Variants in SRGAP3 observed in about 807,000 individuals in gnomAD.
SRGAP3 encodes SLIT-ROBO Rho GTPase-activating protein 3.
In SRGAP3, 39 loss-of-function variants were observed where a neutral mutation model predicts 121.1. The observed-to-expected ratio is 0.32, with a 90% confidence interval of 0.25 to 0.42. SRGAP3 has a LOEUF of 0.42. Among genes scored for constraint, SRGAP3 ranks in the 10% least tolerant of loss-of-function variants. The probability of loss-of-function intolerance (pLI) is 1.00; values close to 1 mark genes in which losing one functional copy is unlikely to be tolerated. For missense variants in SRGAP3, 1,213 were observed against 1,470.6 expected (o/e 0.82, Z 2.86); for synonymous variants, 601 against 570.0 (o/e 1.05, Z -0.77).
intron 10 of SRGAP3, among the ~76,000 whole-genome samples, chr3:9,046,870 G>A (rs1050536954): frequency 3.0e-4 from 45 of 150,236 alleles, no homozygotes; most frequent in Admixed American, 9.3e-4. Context: ...TCGCTCTGTC[G>A]CCCAGGCTGG....
chr3:9,069,019 T>C (rs1946555549), intron 4 of SRGAP3, among the ~76,000 whole-genome samples: 1 of 152,214 alleles, frequency 6.6e-6, no homozygotes, highest in Admixed American at 6.5e-5. Context: ...GAGAAAACCA[T>C]GGCCCAGAAT....
intron 3 of SRGAP3, among the ~76,000 whole-genome samples, chr3:9,263,562 T>C (rs1264313645): frequency 6.6e-6 from 1 of 152,034 alleles, no homozygotes; most frequent in Non-Finnish European, 1.5e-5. Flanking sequence ...CCCACAGAAA[T>C]ACAAACTACC....
chr3:9,222,944 C>A (rs1391776704), intron 1 of SRGAP3, among the ~76,000 whole-genome samples: 15 of 152,176 alleles, frequency 9.9e-5, no homozygotes, highest in Admixed American at 9.8e-4. Context: ...CAGTCACATA[C>A]CCTGAGCAAG....
intron 3 of SRGAP3, among the ~76,000 whole-genome samples, chr3:9,289,292 A>T (rs1322931158): frequency 6.6e-6 from 1 of 152,242 alleles, no homozygotes; most frequent in African/African-American, 2.4e-5. Flanking sequence ...ACTGATAATT[A>T]TACCATCTGC....
At position 9,067,705 on chromosome 3, in the gene SRGAP3, C is replaced by T. The variant is rs532294427; in HGVS notation, c.487-3124G>A. 6.6e-5 allele frequency among the ~76,000 whole-genome samples: 10 copies of T among 152,228 alleles called. No homozygotes were observed. In the South Asian group the frequency reaches 2.1e-3, roughly 32 times the overall value. On this transcript the variant is annotated intron_variant, in intron 4 of 21. Coordinates refer to ENST00000383836, the MANE Select transcript of SRGAP3 (RefSeq NM_014850.4). ...TAGCTAACGCATGTGGGGCTTAATG[C>T]CTAGGTGATGGGCCTATAGGTGCAG...
At chr3:9,291,474 A>G (rs1028895598) in intron 3 of SRGAP3, among the ~76,000 whole-genome samples, 11 of 152,130 alleles carry the variant, frequency 7.2e-5, no homozygotes, top group Admixed American at 5.9e-4. Flanking sequence ...CCTGGAATAC[A>G]TTTTATTTGG....
chr3:9,005,246 G>A (rs1481608511), intron 18 of SRGAP3, among the ~76,000 whole-genome samples: 1 of 152,154 alleles, frequency 6.6e-6, no homozygotes, highest in East Asian at 1.9e-4. Context: ...ACATCCACTA[G>A]GATGGCAAGA....
At chr3:9,315,325 C>T (rs1348712952) in intron 3 of SRGAP3, among the ~76,000 whole-genome samples, 1 of 152,234 alleles carries the variant, frequency 6.6e-6, no homozygotes, top group Non-Finnish European at 1.5e-5. Flanking sequence ...CACTGCATTT[C>T]ACAGGCTATG....
intron 3 of SRGAP3, among the ~76,000 whole-genome samples, chr3:9,288,781 G>T (rs757210847): frequency 6.6e-6 from 1 of 151,518 alleles, no homozygotes; most frequent in Non-Finnish European, 1.5e-5. Flanking sequence ...CCACTATTTT[G>T]CCCAGGCTGG....
chr3:9,251,858 G>A (rs1954026534), upstream of SRGAP3, among the ~76,000 whole-genome samples: 1 of 152,106 alleles, frequency 6.6e-6, no homozygotes, highest in African/African-American at 2.4e-5. Flanking sequence ...GCTGTGTGTG[G>A]GGCTCATGGA....
chr3:9,060,698 C>T (rs1477609297), intron 5 of SRGAP3, among the ~76,000 whole-genome samples: 3 of 152,144 alleles, frequency 2.0e-5, no homozygotes, highest in African/African-American at 7.2e-5. Flanking sequence ...CCTTAGCCTC[C>T]CAAGTGTTGG....
chr3:9,202,132 T>C (rs961044731), intron 1 of SRGAP3, among the ~76,000 whole-genome samples: 1 of 152,180 alleles, frequency 6.6e-6, no homozygotes, highest in Admixed American at 6.5e-5. Context: ...AGATTATGCA[T>C]GGATGGGGTT....
At chr3:9,242,400 C>T (rs1162785585) in intron 1 of SRGAP3, among the ~76,000 whole-genome samples, 3 of 152,170 alleles carry the variant, frequency 2.0e-5, no homozygotes, top group East Asian at 3.9e-4. Context: ...TTTGGGAGGC[C>T]GAGGCGGGTG....
chr3:9,191,048 G>T (rs927675729), intron 1 of SRGAP3, among the ~76,000 whole-genome samples: 10 of 151,026 alleles, frequency 6.6e-5, no homozygotes, highest in Non-Finnish European at 1.3e-4. Flanking sequence ...TCTTCCTACA[G>T]AAAAAAAAAG....
At chr3:9,165,793 C>A (rs1950767219) in intron 1 of SRGAP3, among the ~76,000 whole-genome samples, 1 of 152,188 alleles carries the variant, frequency 6.6e-6, no homozygotes, top group Non-Finnish European at 1.5e-5. Context: ...ACCTGGCTAA[C>A]ACCCATTCAG....
chr3:9,042,597 T>A (rs532770392), intron 10 of SRGAP3, among the ~76,000 whole-genome samples: 5 of 152,184 alleles, frequency 3.3e-5, no homozygotes, highest in African/African-American at 1.2e-4. Flanking sequence ...GTTGGTGGAA[T>A]TGGAACCAAA....
At chr3:9,327,182 C>T (rs1575007285) in intron 2 of SRGAP3, among the ~76,000 whole-genome samples, 1 of 151,616 alleles carries the variant, frequency 6.6e-6, no homozygotes, top group Non-Finnish European at 1.5e-5. Flanking sequence ...TTTTTATAAA[C>T]CTCTTATAAC....
intron 3 of SRGAP3, among the ~76,000 whole-genome samples, chr3:9,261,275 A>C (rs965537164): frequency 9.9e-5 from 15 of 152,082 alleles, no homozygotes; most frequent in Non-Finnish European, 1.5e-4. Flanking sequence ...AATTCCAAAA[A>C]CCAGAATGCC....
At chr3:9,280,264 A>T (rs955949292) in intron 3 of SRGAP3, among the ~76,000 whole-genome samples, 4 of 152,328 alleles carry the variant, frequency 2.6e-5, no homozygotes, top group East Asian at 1.9e-4. Flanking sequence ...AGGCAAACAG[A>T]CAGCACGAAT....
Sources: allele counts gnomAD v4.1 joint callset (sites outside exome capture counted in the v4.1 genomes callset), GRCh38; gene constraint gnomAD v4.1.1; transcripts MANE v1.5; gene names NCBI Gene and HGNC (gene_info 2026-07-23, HGNC 2026-07-21).